COL23A1: variants seen among roughly 807,000 people sequenced by gnomAD.
COL23A1 encodes the protein collagen type XXIII alpha 1 chain, also known as collagen alpha-1(XXIII) chain.
Under a neutral mutation model 99.3 loss-of-function variants are expected in COL23A1, and 97 were observed. The observed-to-expected ratio is 0.98, with a 90% confidence interval of 0.83 to 1.16. The LOEUF (loss-of-function observed/expected upper bound fraction) is 1.16, where lower values mean the gene tolerates loss of function less well. COL23A1 is among the 50% of genes most tolerant of loss of function. COL23A1 has a pLI of 0.00. For missense variants in COL23A1, 762 were observed against 757.4 expected (o/e 1.01, Z -0.07); for synonymous variants, 320 against 308.2 (o/e 1.04, Z -0.40).
intron 2 of COL23A1, among the ~76,000 whole-genome samples, chr5:178,406,321 C>A (rs1169373711): frequency 6.6e-6 from 1 of 152,084 alleles, no homozygotes; most frequent in Non-Finnish European, 1.5e-5. Flanking sequence ...CAGTGGAAGA[C>A]ATGCTAGTTC....
chr5:178,292,023 G>A (rs766633616), intron 3 of COL23A1, among the ~76,000 whole-genome samples: 1 of 152,126 alleles, frequency 6.6e-6, no homozygotes, highest in Admixed American at 6.6e-5. Flanking sequence ...AAAGCTGCCG[G>A]ATAGGTTCGC....
chr5:178,579,401 A>T (rs1763547570), intron 1 of COL23A1, among the ~76,000 whole-genome samples: 1 of 152,206 alleles, frequency 6.6e-6, no homozygotes. Context: ...GAGGTCACAC[A>T]GCTGGAAAAT....
At chr5:178,504,157 C>T (rs1758733363) in intron 2 of COL23A1, among the ~76,000 whole-genome samples, 2 of 152,132 alleles carry the variant, frequency 1.3e-5, no homozygotes, top group South Asian at 4.2e-4. Context: ...CACATATCTT[C>T]TTTGTTTTTC....
intron 2 of COL23A1, among the ~76,000 whole-genome samples, chr5:178,497,888 T>TA: frequency 6.6e-6 from 1 of 151,308 alleles, no homozygotes; most frequent in Non-Finnish European, 1.5e-5. Context: ...AAAGAAAGAA[T>TA]AAAAAAATTG....
intron 2 of COL23A1, among the ~76,000 whole-genome samples, chr5:178,367,594 C>T (rs1314620363): frequency 2.6e-5 from 4 of 152,156 alleles, no homozygotes; most frequent in African/African-American, 7.2e-5. Flanking sequence ...GGAGCCCTGA[C>T]ATGTTAGGGA....
intron 2 of COL23A1, among the ~76,000 whole-genome samples, chr5:178,481,669 A>G (rs920163230): frequency 1.3e-5 from 2 of 152,134 alleles, no homozygotes; most frequent in African/African-American, 2.4e-5. Flanking sequence ...CAAAACCACA[A>G]GATACCACTT....
chr5:178,451,352 G>T (rs1767475045), intron 2 of COL23A1, among the ~76,000 whole-genome samples: 2 of 151,934 alleles, frequency 1.3e-5, no homozygotes, highest in South Asian at 4.2e-4. Flanking sequence ...TAGTAATATG[G>T]TCACATTAAA....
rs1303129863 is a variant in COL23A1, at chr5:178,454,570, G to A, written c.361+106112C>T. ...TCTGTGGGCCTCAGTTGCCTCGCCTGTGAAATGGGCATAATCACAACCTTT... is the reference window on the plus strand; with the variant it reads ...TCTGTGGGCCTCAGTTGCCTCGCCTATGAAATGGGCATAATCACAACCTTT... On this transcript the variant is annotated intron_variant, in intron 2 of 28. Coordinates refer to ENST00000390654, the MANE Select transcript of COL23A1 (RefSeq NM_173465.4). Among the ~76,000 whole-genome samples the A allele has an allele frequency of 2.6e-5, 4 of 152,252 alleles. No individual in the cohort carries two copies. The East Asian group carries it at 5.8e-4, about 22-fold the overall frequency.
At chr5:178,508,187 T>C (rs1464270877) in intron 2 of COL23A1, among the ~76,000 whole-genome samples, 1 of 152,218 alleles carries the variant, frequency 6.6e-6, no homozygotes, top group African/African-American at 2.4e-5. Flanking sequence ...ATTTTTCAGT[T>C]CTAAAGCCCT....
intron 4 of COL23A1, 193 bp from the exon 5 acceptor site, chr5:178,288,543 G>C (rs1435812132): frequency 4.6e-6 from 3 of 648,654 alleles, no homozygotes; most frequent in Non-Finnish European, 8.5e-6. Context: ...AGAGGGCCAG[G>C]CTGGAGGGAC....
chr5:178,317,017 T>C (rs183674126), intron 2 of COL23A1, among the ~76,000 whole-genome samples: 69 of 152,312 alleles, frequency 4.5e-4, no homozygotes, highest in African/African-American at 1.6e-3. Flanking sequence ...ATAGTTAATA[T>C]TTATTAAAAA....
chr5:178,455,049 C>T (rs73805809), intron 2 of COL23A1, among the ~76,000 whole-genome samples: 3,641 of 152,344 alleles, frequency 0.024, 154 homozygotes, highest in African/African-American at 0.082. Flanking sequence ...GTGCACACAA[C>T]GGTGGCCACG....
At chr5:178,440,324 C>A (rs559158883) in intron 2 of COL23A1, among the ~76,000 whole-genome samples, 38 of 152,302 alleles carry the variant, frequency 2.5e-4, no homozygotes, top group African/African-American at 7.5e-4. Context: ...AGGCTCATGA[C>A]CCCCTCTGGA....
chr5:178,298,067 C>T (rs1364928542), intron 3 of COL23A1, among the ~76,000 whole-genome samples: 1 of 152,194 alleles, frequency 6.6e-6, no homozygotes, highest in Non-Finnish European at 1.5e-5. Context: ...CCCTTCTGCG[C>T]ACGGCCTTCA....
intron 2 of COL23A1, among the ~76,000 whole-genome samples, chr5:178,533,177 A>AT (rs1297806749): frequency 1.3e-5 from 2 of 152,020 alleles, no homozygotes; most frequent in South Asian, 2.1e-4. Context: ...AGATGAAACT[A>AT]TTTTTTTTAT....
chr5:178,486,811 C>T (rs538466159), intron 2 of COL23A1, among the ~76,000 whole-genome samples: 31 of 152,330 alleles, frequency 2.0e-4, no homozygotes, highest in African/African-American at 7.0e-4. Flanking sequence ...AAGCAAGACT[C>T]ACAGGAACCT....
rs1765256956 is a variant in COL23A1 at position 178,255,552 on chromosome 5, GCTGCTGGCCAGCC to G, written c.883-539_883-527del. Among the ~76,000 whole-genome samples, 1 of 152,180 alleles carries G rather than the reference GCTGCTGGCCAGCC, an allele frequency of 6.6e-6. No individual in the cohort carries two copies. Among genetic ancestry groups the G allele is most frequent in the Admixed American group, 6.5e-5 (1 of 15,288 alleles). ...GTGCACACTCACACGTGCACGCATG[GCTGCTGGCCAGCC>G]CTTCCCTTGTGAACCTCACTTCCCC... On this transcript the variant is annotated intron_variant, in intron 15 of 28. Transcript: ENST00000390654. The surrounding 1 kb of genome is among the most constrained non-coding windows in gnomAD (Gnocchi z 4.2).
At chr5:178,517,569 T>C (rs1012135821) in intron 2 of COL23A1, among the ~76,000 whole-genome samples, 1 of 115,576 alleles carries the variant, frequency 8.7e-6, no homozygotes, top group Non-Finnish European at 1.9e-5. Flanking sequence ...TTTTTTTTTG[T>C]TTTTTTTTTT....
At chr5:178,289,793 C>T (rs1757358462) in intron 4 of COL23A1, among the ~76,000 whole-genome samples, 1 of 152,238 alleles carries the variant, frequency 6.6e-6, no homozygotes, top group Admixed American at 6.5e-5. Context: ...TGCGCTGGCT[C>T]TCTTGCTAGG....
Sources: allele counts gnomAD v4.1 joint callset (sites outside exome capture counted in the v4.1 genomes callset), GRCh38; gene constraint gnomAD v4.1.1; non-coding constraint Gnocchi (gnomAD v3.1); transcripts MANE v1.5; gene names NCBI Gene and HGNC (gene_info 2026-07-23, HGNC 2026-07-21).